The following NUP107 variants were observed in gnomAD, a reference collection of about 807,000 sequenced individuals.
NUP107 encodes the protein nuclear pore complex protein Nup107.
In NUP107, 101 loss-of-function variants were observed where a neutral mutation model predicts 141.0. The ratio of observed to expected loss-of-function variants is 0.72; its 90% CI spans 0.61 to 0.84. The LOEUF is 0.84. NUP107 is among the 40% of genes least tolerant of loss of function. The probability of loss-of-function intolerance (pLI) is 0.00; values close to 1 mark genes in which losing one functional copy is unlikely to be tolerated. For synonymous variants in NUP107, 319 were observed against 363.9 expected, an observed-to-expected ratio of 0.88 and a Z score of 1.41; for missense variants, 941 against 1,102.7, an observed-to-expected ratio of 0.85 and a Z score of 2.08.
intron 8 of NUP107, chr12:68,707,032 A>G: frequency 1.7e-6 from 1 of 603,078 alleles, no homozygotes; most frequent in East Asian, 2.8e-5. Context: ...CCCACGATGG[A>G]AAGCTAGTGT....
At chr12:68,741,094 T>C (rs374060238) in intron 26 of NUP107, among the ~76,000 whole-genome samples, 1 of 151,872 alleles carries the variant, frequency 6.6e-6, no homozygotes, top group Admixed American at 6.6e-5. Flanking sequence ...AAAGAAATTA[T>C]GTGGTTGGTT....
intron 27 of NUP107, 79 bp downstream of exon 27, chr12:68,742,059 T>A (rs977726157): frequency 1.7e-6 from 2 of 1,152,304 alleles, no homozygotes; most frequent in African/African-American, 3.1e-5. Context: ...TGAAGATGTG[T>A]TTACATTTGT....
intron 4 of NUP107, 134 bp from the exon 5 acceptor site, chr12:68,691,834 A>G: frequency 2.7e-6 from 2 of 739,308 alleles, no homozygotes; most frequent in Non-Finnish European, 2.0e-6. Context: ...ACCTTATCTC[A>G]AGAAGGGAAA....
Position 68,713,722 on chromosome 12 carries a change from T to C in NUP107, c.891-8T>C, listed in dbSNP as rs750501650. ...CTTAAAAAATTTGGTACTTATTATTTCTTTCAGGGAAAATACTCTGCATAC... is the reference window on the plus strand; with the variant it reads ...CTTAAAAAATTTGGTACTTATTATTCCTTTCAGGGAAAATACTCTGCATAC... On this transcript the variant is annotated splice_region_variant and splice_polypyrimidine_tract_variant and intron_variant, in intron 10 of 27. Transcript: ENST00000229179. 5 of 1,588,380 alleles carry C rather than the reference T, an allele frequency of 3.1e-6. No homozygotes were observed. Among genetic ancestry groups the C allele is most frequent in the Non-Finnish European group, 4.3e-6 (5 of 1,171,520 alleles).
chr12:68,708,623 T>G (rs912316579), intron 8 of NUP107, among the ~76,000 whole-genome samples: 2 of 152,116 alleles, frequency 1.3e-5, no homozygotes, highest in Non-Finnish European at 1.5e-5. Flanking sequence ...ATTACAGTTT[T>G]TTTTTTTTTA....
chr12:68,733,363 G>C, intron 23 of NUP107, 89 bp from the exon 24 acceptor site: 3 of 1,287,960 alleles, frequency 2.3e-6, no homozygotes, highest in Non-Finnish European at 3.2e-6. Context: ...ACAGGTCACT[G>C]TAAAATTGGT....
chr12:68,709,943 A>G, intron 9 of NUP107, 62 bp from the exon 10 acceptor site: 1 of 990,576 alleles, frequency 1.0e-6, no homozygotes, highest in African/African-American at 1.6e-5. Context: ...TAGTACCACT[A>G]CAAATAAAAC....
chr12:68,702,767 A>C lies in NUP107; in HGVS notation c.712A>C (p.Ser238Arg), dbSNP rs756925242. The C allele has an allele frequency of 6.5e-7, 1 of 1,544,632 alleles. No homozygotes were observed. The highest frequency in any genetic ancestry group is 8.8e-7 in the Non-Finnish European group (1 of 1,140,654). ...AATACAGTCTGCATTAGAAGAGGAA[A>C]GTGTATTCGCAGTTACTGTAAGTTT... The part of the protein sequence containing the change: ...DRIQSALEEE[S>R]VFAVTAVNAS... The change falls in exon 8 of 28, where the codon AGT becomes CGT. Residue 238 changes from serine to arginine, a missense_variant. Ser to Arg is a moderately radical substitution (Grantham distance 110). Transcript: ENST00000229179.
At chr12:68,736,554 C>T (rs891096620) in intron 26 of NUP107, among the ~76,000 whole-genome samples, 1 of 151,792 alleles carries the variant, frequency 6.6e-6, no homozygotes, top group Admixed American at 6.6e-5. Flanking sequence ...GTAGCTAGGA[C>T]AACAAGCACA....
At chr12:68,721,003 A>G (rs1186004746) in intron 14 of NUP107, 115 bp from the exon 15 acceptor site, 1 of 576,050 alleles carries the variant, frequency 1.7e-6, no homozygotes, top group East Asian at 3.0e-5. Flanking sequence ...AAGTTTAAAA[A>G]CTATCAAGTG....
intron 9 of NUP107, among the ~76,000 whole-genome samples, 200 bp from the exon 10 acceptor site, chr12:68,709,805 C>T (rs981995586): frequency 5.3e-5 from 8 of 151,620 alleles, no homozygotes; most frequent in Non-Finnish European, 8.8e-5. Context: ...AGGAGAATGA[C>T]GTGAACCCAG....
intron 23 of NUP107, 61 bp downstream of exon 23, chr12:68,732,800 C>T (rs1877892410): frequency 8.6e-7 from 1 of 1,165,912 alleles, no homozygotes. Context: ...CTACCTCAGC[C>T]TCCCAAGTAG....
At chr12:68,693,905 G>A (rs1010297455) in intron 5 of NUP107, among the ~76,000 whole-genome samples, 14 of 152,012 alleles carry the variant, frequency 9.2e-5, no homozygotes, top group Admixed American at 3.9e-4. Context: ...CTCCTGGACC[G>A]TAATGCTGTT....
At chr12:68,728,206 G>C (rs1444724052) in intron 20 of NUP107, among the ~76,000 whole-genome samples, 5 of 150,550 alleles carry the variant, frequency 3.3e-5, no homozygotes, top group African/African-American at 1.2e-4. Flanking sequence ...GGAAGATCGA[G>C]TGAGCCCAGG....
chr12:68,727,343 C>A lies in NUP107; in HGVS notation c.1696-8C>A. ...GTATTTATAATTATGTCTTTTTTTC[C>A]TATGAAGGAGGAAGTTTCTATTGAA... On this transcript the variant is annotated splice_region_variant and splice_polypyrimidine_tract_variant and intron_variant, in intron 19 of 27. Transcript: ENST00000229179. 6.9e-7 allele frequency: 1 copy of A among 1,443,564 alleles called. No homozygotes were observed. The highest frequency in any genetic ancestry group is 9.6e-7 in the Non-Finnish European group (1 of 1,040,594). 89.4% of individuals were successfully genotyped at this position (1,443,564 alleles called of 1,614,324 possible). A position where few individuals can be genotyped will look rare whatever the true frequency, so the allele number is the denominator to read the frequency against.
intron 3 of NUP107, 169 bp from the exon 4 acceptor site, chr12:68,690,462 A>C: frequency 1.1e-6 from 1 of 894,162 alleles, no homozygotes; most frequent in Non-Finnish European, 1.7e-6. Flanking sequence ...TTAGAAAAAT[A>C]AGTTAAATCC....
chr12:68,742,183 C>G (rs1878346777), intron 27 of NUP107, among the ~76,000 whole-genome samples, 172 bp from the exon 28 acceptor site: 1 of 152,166 alleles, frequency 6.6e-6, no homozygotes, highest in African/African-American at 2.4e-5. Context: ...TAGACTGACT[C>G]TGAGAATTCA....
intron 25 of NUP107, 21 bp downstream of exon 25, chr12:68,734,854 G>A (rs754200506): frequency 1.2e-5 from 19 of 1,605,430 alleles, no homozygotes; most frequent in Admixed American, 1.7e-5. Context: ...TATGGATCTA[G>A]GATGTGCCTA....
chr12:68,727,743 C>A (rs988422526), intron 20 of NUP107, among the ~76,000 whole-genome samples: 89 of 152,194 alleles, frequency 5.8e-4, no homozygotes, highest in African/African-American at 2.1e-3. Flanking sequence ...GGCTCCAGGA[C>A]CCCCACATAT....
Sources: allele counts gnomAD v4.1 joint callset (sites outside exome capture counted in the v4.1 genomes callset), GRCh38; gene constraint gnomAD v4.1.1; transcripts MANE v1.5; gene names NCBI Gene and HGNC (gene_info 2026-07-23, HGNC 2026-07-21).